The following TLN1 variants were observed in gnomAD, a reference collection of about 807,000 sequenced individuals.
The protein encoded by TLN1 is talin-1.
TLN1 carries 56 observed loss-of-function variants against 292.3 expected under a neutral mutation model. That is an observed-to-expected ratio of 0.19 (90% confidence interval 0.15 to 0.24). TLN1 has a LOEUF of 0.24. Among genes scored for constraint, TLN1 ranks in the 10% least tolerant of loss-of-function variants. The probability of loss-of-function intolerance (pLI) is 1.00; values close to 1 mark genes in which losing one functional copy is unlikely to be tolerated. For missense variants in TLN1, 2,433 were observed against 3,248.2 expected, an observed-to-expected ratio of 0.75 and a Z score of 6.10; for synonymous variants, 1,119 against 1,253.7, an observed-to-expected ratio of 0.89 and a Z score of 2.27.
Position 35,706,946 on chromosome 9 carries a change from CA to C in TLN1, c.4956-47del, listed in dbSNP as rs1379199844. 2.5e-6 allele frequency: 4 copies of C among 1,610,500 alleles called. No individual in the cohort carries two copies. The South Asian group carries it at 3.3e-5, about 13-fold the overall frequency. On this transcript the variant is annotated intron_variant, in intron 37 of 56. Coordinates refer to ENST00000314888, the MANE Select transcript of TLN1 (RefSeq NM_006289.4). This position sits in a 1 kb window ranked among gnomAD's most constrained non-coding sequence, Gnocchi z 4.2. ...CCAACACCAAGAACATCCCCTACTG[CA>C]AGGCCAGCCTATCCTTCCCCTGTAT...
intron 30 of TLN1, 65 bp from the exon 31 acceptor site, chr9:35,711,147 A>T: frequency 6.2e-7 from 1 of 1,610,298 alleles, no homozygotes; most frequent in South Asian, 1.1e-5. Context: ...CTATGTAAGT[A>T]TTTATCTTTT....
At position 35,722,902 on chromosome 9, in the gene TLN1, T is replaced by C. The variant is rs372294034; in HGVS notation, c.802A>G (p.Lys268Glu). 8 of 1,613,926 alleles carry C rather than the reference T, an allele frequency of 5.0e-6. No homozygotes were observed. The highest frequency in any genetic ancestry group is 6.8e-6 in the Non-Finnish European group (8 of 1,179,896). ...TCTCCCTTCTGCTTCACATACTCCT[T>C]GGGCAGGAAGTCCTTCAGGCTACAC... Reference protein sequence around the residue: ...GFLDLKDFLPKEYVKQKGERK... With the variant: ...GFLDLKDFLPEEYVKQKGERK... Residue 268 changes from lysine (K) to glutamate (E), a missense_variant, in exon 8 of 57, where the codon AAG becomes GAG. This residue lies in a region of TLN1 where 78 missense variants were observed against 88.8 expected (regional missense o/e 0.88). Coordinates refer to ENST00000314888, the MANE Select transcript of TLN1 (RefSeq NM_006289.4).
At position 35,707,144 on chromosome 9, in the gene TLN1, G is replaced by A. The variant is rs372348691; in HGVS notation, c.4883C>T (p.Pro1628Leu). The change falls in exon 37 of 57, where the codon CCG becomes CTG. Residue 1628 changes from proline (P) to leucine (L), a missense_variant. Physicochemically the swap from Pro to Leu is moderately conservative, Grantham distance 98. Transcript: ENST00000314888. The surrounding 1 kb of genome is among the most constrained non-coding windows in gnomAD (Gnocchi z 5.6). Reference protein sequence around the residue: ...RALAVNPRDPPSWSVLAGHSR... With the variant: ...RALAVNPRDPLSWSVLAGHSR... Reference sequence around the variant, plus strand: ...GTGGCCGGCCAGCACCGACCAGCTCGGGGGGTCCCGGGGATTGACTGCGAG... The same window carrying A: ...GTGGCCGGCCAGCACCGACCAGCTCAGGGGGTCCCGGGGATTGACTGCGAG... 1.7e-5 allele frequency: 27 copies of A among 1,609,770 alleles called. No homozygotes were observed. The highest frequency in any genetic ancestry group is 2.0e-5 in the Non-Finnish European group (23 of 1,178,944).
chr9:35,718,846 T>G lies in TLN1; in HGVS notation c.1961A>C (p.Gln654Pro). The G allele has an allele frequency of 6.2e-7, 1 of 1,613,866 alleles. No homozygotes were observed. The highest frequency in any genetic ancestry group is 8.5e-7 in the Non-Finnish European group (1 of 1,179,900). ...VGQASGELLQ[Q>P]IGESDTDPHF... ...GGGGTCAGTATCACTTTCCCCAATTTGTTGCAACAGCTCCCCACTGGCCTG... is the reference window on the plus strand; with the variant it reads ...GGGGTCAGTATCACTTTCCCCAATTGGTTGCAACAGCTCCCCACTGGCCTG... Residue 654 changes from glutamine to proline, a missense_variant, in exon 17 of 57, where the codon CAA becomes CCA. Gln to Pro is a moderately conservative substitution (Grantham distance 76). Around this residue, in one of 7 missense-constraint regions of TLN1, gnomAD observed 617 missense variants for 770.6 expected, o/e 0.80. Transcript: ENST00000314888.
chr9:35,725,282 T>G lies in TLN1; in HGVS notation c.170A>C (p.Lys57Thr). 6.2e-7 allele frequency: 1 copy of G among 1,614,198 alleles called. No homozygotes were observed. Among genetic ancestry groups the G allele is most frequent in the Non-Finnish European group, 8.5e-7 (1 of 1,180,034 alleles). ...CCCAGCCTCCAGCCATATACCCTTTTTGGGGTCATCATCTGACAGAAAGAG... is the reference window on the plus strand; with the variant it reads ...CCCAGCCTCCAGCCATATACCCTTTGTGGGGTCATCATCTGACAGAAAGAG... ...FGLFLSDDDP[K>T]KGIWLEAGKA... is the part of the protein sequence containing the mutation. Residue 57 changes from lysine (K) to threonine (T), a missense_variant, in exon 3 of 57, where the codon AAA becomes ACA. Physicochemically the swap from Lys to Thr is moderately conservative, Grantham distance 78 (BLOSUM62 -1). Coordinates refer to ENST00000314888, the MANE Select transcript of TLN1 (RefSeq NM_006289.4).
chr9:35,699,294 G>C lies in TLN1; in HGVS notation c.6874+62C>G. On this transcript the variant is annotated intron_variant, in intron 51 of 56. Coordinates refer to ENST00000314888, the MANE Select transcript of TLN1 (RefSeq NM_006289.4). The surrounding 1 kb of genome is among the most constrained non-coding windows in gnomAD (Gnocchi z 4.0). The stretch of plus-strand genomic sequence containing the variant: ...GGCTAGCACAGAGCTGTCCAGCCAG[G>C]AAGCAGAGATCACACCATGATAAGG... The C allele has an allele frequency of 1.9e-6, 3 of 1,569,436 alleles. No individual in the cohort carries two copies. In the South Asian group the frequency reaches 3.6e-5, roughly 19 times the overall value.
chr9:35,715,243 A>G, intron 20 of TLN1, 56 bp from the exon 21 acceptor site: 2 of 1,591,076 alleles, frequency 1.3e-6, no homozygotes, highest in East Asian at 2.2e-5. Flanking sequence ...ATCCTAAAGA[A>G]GCTCCTCTCT....
In TLN1 at chr9:35,722,348, A is replaced by G. The variant is rs1235003453; in HGVS notation, c.844-125T>C. ...CTGGAAAGGTTGAGGAGTACAAGATATGAGAACGAGAGGGTAACGGGATGG... is the reference window on the plus strand; with the variant it reads ...CTGGAAAGGTTGAGGAGTACAAGATGTGAGAACGAGAGGGTAACGGGATGG... On this transcript the variant is annotated intron_variant, in intron 8 of 56. Coordinates refer to ENST00000314888, the MANE Select transcript of TLN1 (RefSeq NM_006289.4). 9 of 824,206 alleles carry G rather than the reference A, an allele frequency of 1.1e-5. No homozygotes were observed. The South Asian group carries it at 1.3e-4, about 12-fold the overall frequency. 51.1% of individuals were successfully genotyped at this position (824,206 alleles called of 1,614,324 possible). A position where few individuals can be genotyped will look rare whatever the true frequency, so the allele number is the denominator to read the frequency against.
chr9:35,715,120 C>A lies in TLN1; in HGVS notation c.2693G>T (p.Arg898Leu), dbSNP rs1405406696. ...CTGCGCAGCTGCATTGGTGGCCATG[C>A]GCAGCCCCTCAGCTGCCTCCCGCAG... ...QRLREAAEGL[R>L]MATNAAAQNA... is the part of the protein sequence containing the mutation. The change falls in exon 21 of 57, where the codon CGC (arginine) becomes CTC (leucine). Residue 898 changes from arginine to leucine, a missense_variant. By Grantham distance (102) the Arg-to-Leu change is moderately radical. Transcript: ENST00000314888. The A allele has an allele frequency of 6.2e-7, 1 of 1,613,206 alleles. No individual in the cohort carries two copies. The highest frequency in any genetic ancestry group is 1.1e-5 in the South Asian group (1 of 91,050).
chr9:35,705,923 G>C, intron 41 of TLN1, 39 bp downstream of exon 41: 6 of 1,614,076 alleles, frequency 3.7e-6, no homozygotes, highest in Non-Finnish European at 5.1e-6. Flanking sequence ...CTCTGGCCCA[G>C]GGTAGCCTCA....
intron 7 of TLN1, 124 bp from the exon 8 acceptor site, chr9:35,723,045 ACT>A: frequency 1.3e-6 from 1 of 747,488 alleles, no homozygotes; most frequent in Non-Finnish European, 2.3e-6. Flanking sequence ...GAGAAAAAAG[ACT>A]CTGAGGGAAT....
At chr9:35,730,618 A>C (rs1415875321) in intron 1 of TLN1, among the ~76,000 whole-genome samples, 2 of 152,048 alleles carry the variant, frequency 1.3e-5, no homozygotes, top group Admixed American at 1.3e-4. Context: ...ATGAGGGTAA[A>C]TTCAGGTAGG....
intron 48 of TLN1, 44 bp downstream of exon 48, chr9:35,703,516 C>T: frequency 3.2e-6 from 5 of 1,545,358 alleles, no homozygotes; most frequent in Non-Finnish European, 4.5e-6. Flanking sequence ...TTTCAGGATC[C>T]CTCTCTCTGA....
At chr9:35,730,717 G>A (rs1229204687) in intron 1 of TLN1, among the ~76,000 whole-genome samples, 1 of 152,108 alleles carries the variant, frequency 6.6e-6, no homozygotes, top group Non-Finnish European at 1.5e-5. Flanking sequence ...GGCAAGGGAA[G>A]TATTTTGTAA....
chr9:35,720,326 C>T (rs1235979092), intron 12 of TLN1, 107 bp from the exon 13 acceptor site: 2 of 1,534,422 alleles, frequency 1.3e-6, no homozygotes, highest in Non-Finnish European at 1.8e-6. Context: ...CAGCCTGCAA[C>T]TAGTTAAAGA....
rs780500400 is a variant in TLN1, at chr9:35,710,884, C to A, written c.4116G>T (p.Thr1372=). The change falls in exon 32 of 57, where the codon ACG becomes ACT. Residue 1372 remains threonine (T), a splice_region_variant and synonymous_variant. Transcript: ENST00000314888. ...CTGGGTTCTCCAGGAGTTCCCGGAC[C>A]GTCTGTGTAGGGGGAGGGCAAAGTG... ...ECDNALRELE[T]VRELLENPVQ... 1.2e-6 allele frequency: 2 copies of A among 1,614,200 alleles called. No individual in the cohort carries two copies. The highest frequency in any genetic ancestry group is 1.7e-6 in the Non-Finnish European group (2 of 1,180,032).
chr9:35,710,455 C>CT, intron 33 of TLN1, 106 bp downstream of exon 33: 2 of 1,488,512 alleles, frequency 1.3e-6, no homozygotes, highest in Non-Finnish European at 1.8e-6. Flanking sequence ...ATAGAGTTGG[C>CT]TTTGCAAACA....
At chr9:35,715,248 C>G in intron 20 of TLN1, 61 bp from the exon 21 acceptor site, 2 of 1,586,942 alleles carry the variant, frequency 1.3e-6, no homozygotes, top group Non-Finnish European at 1.7e-6. Context: ...AAAGAAGCTC[C>G]TCTCTCACTC....
In TLN1 at chr9:35,719,706, A is replaced by G. The variant is rs1303677741; in HGVS notation, c.1578+34T>C. 6 of 1,610,482 alleles carry G rather than the reference A, an allele frequency of 3.7e-6. No homozygotes were observed. Among genetic ancestry groups the G allele is most frequent in the Non-Finnish European group, 4.2e-6 (5 of 1,177,550 alleles). The stretch of plus-strand genomic sequence containing the variant: ...CCCTATCCCTTGGAGTCTCAGCTTC[A>G]GTACCACCGGCCTCTCCTCCATCCC... On this transcript the variant is annotated intron_variant, in intron 14 of 56. Transcript: ENST00000314888. This position sits in a 1 kb window ranked among gnomAD's most constrained non-coding sequence, Gnocchi z 4.6.
Sources: allele counts gnomAD v4.1 joint callset (sites outside exome capture counted in the v4.1 genomes callset), GRCh38; gene constraint gnomAD v4.1.1; regional missense constraint gnomAD v4.1.1; non-coding constraint Gnocchi (gnomAD v3.1); transcripts MANE v1.5; gene names NCBI Gene and HGNC (gene_info 2026-07-23, HGNC 2026-07-21).